PBX3: variants seen among roughly 807,000 people sequenced by gnomAD.
PBX3 encodes the protein pre-B-cell leukemia transcription factor 3.
A neutral mutation model predicts 48.5 loss-of-function variants in PBX3; 14 were observed. The observed-to-expected ratio is 0.29, with a 90% CI of 0.19 to 0.45. The LOEUF is 0.45. PBX3 is among the 20% of genes least tolerant of loss of function. The pLI is 1.00. For synonymous variants in PBX3, 210 were observed against 200.3 expected, an observed-to-expected ratio of 1.05 and a Z score of -0.41; for missense variants, 386 against 546.7, an observed-to-expected ratio of 0.71 and a Z score of 2.93.
intron 2 of PBX3, among the ~76,000 whole-genome samples, chr9:125,781,010 G>A (rs1837289253): frequency 3.9e-5 from 4 of 101,506 alleles, no homozygotes; most frequent in South Asian, 3.5e-4. Context: ...ATGGCGGCCG[G>A]GCAGAGACGC....
intron 2 of PBX3, among the ~76,000 whole-genome samples, chr9:125,855,943 C>T (rs907521005): frequency 2.6e-5 from 4 of 151,976 alleles, no homozygotes; most frequent in African/African-American, 7.3e-5. Flanking sequence ...TGCACTCTAT[C>T]TTTGGAGGTT....
At chr9:125,775,045 T>G (rs1036003145) in intron 2 of PBX3, among the ~76,000 whole-genome samples, 2 of 152,144 alleles carry the variant, frequency 1.3e-5, no homozygotes, top group African/African-American at 4.8e-5. Flanking sequence ...TTTTGTATTT[T>G]TAATAGAGAT....
At chr9:125,755,703 CTT>C (rs1417620586) in intron 2 of PBX3, among the ~76,000 whole-genome samples, 1 of 82,600 alleles carries the variant, frequency 1.2e-5, no homozygotes, top group Admixed American at 1.5e-4. Flanking sequence ...TTGAGTTTCT[CTT>C]GGTTTTGCAT....
chr9:125,825,378 A>T (rs1347533910), intron 2 of PBX3, among the ~76,000 whole-genome samples: 1 of 152,202 alleles, frequency 6.6e-6, no homozygotes, highest in Admixed American at 6.5e-5. Context: ...TAAAAATTTT[A>T]TTAGTTTATT....
At chr9:125,915,450 T>C (rs1285598694) in intron 2 of PBX3, among the ~76,000 whole-genome samples, 1 of 152,152 alleles carries the variant, frequency 6.6e-6, no homozygotes, top group Non-Finnish European at 1.5e-5. Context: ...TAGTCTGTGG[T>C]AAATTGAGGC....
chr9:125,789,728 C>T (rs2132058765), intron 2 of PBX3, among the ~76,000 whole-genome samples: 1 of 152,218 alleles, frequency 6.6e-6, no homozygotes, highest in South Asian at 2.1e-4. Flanking sequence ...ACCATTGGAG[C>T]CTTCTTAGAG....
At chr9:125,871,560 CAT>C (rs970329868) in intron 2 of PBX3, among the ~76,000 whole-genome samples, 2 of 151,904 alleles carry the variant, frequency 1.3e-5, no homozygotes, top group African/African-American at 4.8e-5. Context: ...TAACAGAAAA[CAT>C]TATATAATTC....
chr9:125,867,770 A>C (rs1169950881), intron 2 of PBX3, among the ~76,000 whole-genome samples: 2 of 151,892 alleles, frequency 1.3e-5, no homozygotes. Flanking sequence ...ATATACACAC[A>C]CATATATACA....
At chr9:125,850,142 C>T (rs1839539559) in intron 2 of PBX3, among the ~76,000 whole-genome samples, 1 of 151,964 alleles carries the variant, frequency 6.6e-6, no homozygotes, top group Admixed American at 6.6e-5. Context: ...AGGAGGCAAC[C>T]TAGTAGATTA....
intron 3 of PBX3, among the ~76,000 whole-genome samples, chr9:125,924,242 T>C (rs1841520591): frequency 6.6e-6 from 1 of 152,152 alleles, no homozygotes; most frequent in Non-Finnish European, 1.5e-5. Context: ...CAAAAAACCT[T>C]AAAATTTAGT....
In PBX3 at chr9:125,793,366, A is replaced by ATATATATATAT. The variant is rs1554855766; in HGVS notation, c.274+44743_274+44744insTATATATATAT. 5.2e-3 allele frequency among the ~76,000 whole-genome samples: 527 copies of ATATATATATAT among 101,850 alleles called. 5 individuals are homozygous for ATATATATATAT. The highest frequency in any genetic ancestry group is 0.03 in the East Asian group (93 of 3,142). The allele number at this position is 101,850 out of a possible 152,430, so 66.8% of individuals were successfully genotyped here. ...GACTCCATTTGGGGGGGAAAAAAAA[A>ATATATATATAT]ATATATATATATATATATATATATA... On this transcript the variant is annotated intron_variant, in intron 2 of 8. Coordinates refer to ENST00000373489, the MANE Select transcript of PBX3 (RefSeq NM_006195.6).
chr9:125,906,836 C>T (rs1841084150), intron 2 of PBX3, among the ~76,000 whole-genome samples: 1 of 151,902 alleles, frequency 6.6e-6, no homozygotes, highest in Non-Finnish European at 1.5e-5. Flanking sequence ...TTCTGAAATA[C>T]TAATTGAGAG....
At chr9:125,854,260 T>C (rs1176508904) in intron 2 of PBX3, among the ~76,000 whole-genome samples, 1 of 152,100 alleles carries the variant, frequency 6.6e-6, no homozygotes, top group East Asian at 1.9e-4. Context: ...GCCTCCCTAG[T>C]AGCTGGGGCT....
chr9:125,758,239 A>G (rs1836572982), intron 2 of PBX3, among the ~76,000 whole-genome samples: 1 of 151,824 alleles, frequency 6.6e-6, no homozygotes, highest in African/African-American at 2.4e-5. Context: ...TAAAGGAAAT[A>G]TTTCTTACTT....
chr9:125,879,619 T>C (rs868822144), intron 2 of PBX3, among the ~76,000 whole-genome samples: 29 of 135,624 alleles, frequency 2.1e-4, no homozygotes, highest in South Asian at 9.4e-4. Context: ...TTATCACAAA[T>C]TATTAGAAGA....
intron 4 of PBX3, among the ~76,000 whole-genome samples, chr9:125,934,282 C>T (rs2132526006): frequency 6.6e-6 from 1 of 152,278 alleles, no homozygotes; most frequent in Middle Eastern, 3.4e-3. Flanking sequence ...ACCATTTTGA[C>T]TAGAAGAATC....
intron 5 of PBX3, among the ~76,000 whole-genome samples, chr9:125,956,211 A>G (rs912411310): frequency 5.9e-5 from 9 of 152,242 alleles, no homozygotes; most frequent in African/African-American, 1.9e-4. Context: ...AAACACTAAA[A>G]TAACTAAAAC....
intron 2 of PBX3, among the ~76,000 whole-genome samples, chr9:125,889,033 G>A (rs1164908330): frequency 7.2e-5 from 11 of 152,180 alleles, no homozygotes; most frequent in Non-Finnish European, 1.6e-4. Flanking sequence ...ACCCACAGCA[G>A]GTTATGAAAG....
In PBX3 at chr9:125,894,308, TA is replaced by T. The variant is rs1353756367; in HGVS notation, c.275-21375del. 2.6e-5 allele frequency among the ~76,000 whole-genome samples: 4 copies of T among 152,204 alleles called. No homozygotes were observed. The East Asian group carries it at 7.7e-4, about 29-fold the overall frequency. ...AATAAAGTTCTGTTGTTTTCGACAG[TA>T]AATTACTTTGTTGTAGTTTATAAAT... is the stretch of plus-strand genomic sequence containing the variant. On this transcript the variant is annotated intron_variant, in intron 2 of 8. Coordinates refer to ENST00000373489, the MANE Select transcript of PBX3 (RefSeq NM_006195.6).
Sources: gnomAD v4.1 joint callset for allele counts (sites outside exome capture counted in the v4.1 genomes callset) on GRCh38, gnomAD v4.1.1 for gene constraint, MANE v1.5 for transcripts, NCBI Gene and HGNC (gene_info 2026-07-23, HGNC 2026-07-21) for gene names.